The following NGEF variants were observed in gnomAD, a reference collection of about 807,000 sequenced individuals.
NGEF encodes the protein neuronal guanine nucleotide exchange factor.
A neutral mutation model predicts 80.9 loss-of-function variants in NGEF; 31 were observed. That is an observed-to-expected ratio of 0.38 (90% CI 0.29 to 0.52). The LOEUF (loss-of-function observed/expected upper bound fraction) is 0.52. Ranked by LOEUF, NGEF falls within the 20% of genes least tolerant of loss-of-function variation. The pLI is 0.84. For missense variants in NGEF, 709 were observed against 926.2 expected, an observed-to-expected ratio of 0.77 and a Z score of 3.04; for synonymous variants, 371 against 370.2, an observed-to-expected ratio of 1.00 and a Z score of -0.03.
intron 3 of NGEF, among the ~76,000 whole-genome samples, chr2:232,945,004 G>C (rs1014289197): frequency 2.6e-5 from 4 of 151,758 alleles, no homozygotes; most frequent in Admixed American, 2.0e-4. Context: ...TGTCCATCTT[G>C]GCCTCTTAAA....
chr2:233,010,440 C>T (rs933350159), intron 1 of NGEF, among the ~76,000 whole-genome samples: 1 of 152,210 alleles, frequency 6.6e-6, no homozygotes, highest in Non-Finnish European at 1.5e-5. Context: ...CAGTTCTTCT[C>T]CTCCTCCTGG....
At chr2:232,899,073 TTG>T (rs953671774) in intron 5 of NGEF, among the ~76,000 whole-genome samples, 11 of 151,666 alleles carry the variant, frequency 7.3e-5, no homozygotes, top group African/African-American at 1.9e-4. Context: ...TGTAAATGCA[TTG>T]TGTGTGAATG....
At chr2:232,992,979 C>T (rs1694679942) in intron 1 of NGEF, among the ~76,000 whole-genome samples, 1 of 136,416 alleles carries the variant, frequency 7.3e-6, no homozygotes, top group Admixed American at 8.2e-5. Context: ...AGAGCGAGAC[C>T]CTGCCTGAAG....
intron 4 of NGEF, among the ~76,000 whole-genome samples, chr2:232,923,011 A>G (rs1237937902): frequency 1.3e-5 from 2 of 151,960 alleles, no homozygotes; most frequent in African/African-American, 4.8e-5. Flanking sequence ...CGGAGGTTGC[A>G]GTGAGCTGAG....
intron 2 of NGEF, among the ~76,000 whole-genome samples, chr2:232,971,104 C>A (rs999871306): frequency 1.3e-5 from 2 of 152,192 alleles, no homozygotes; most frequent in Non-Finnish European, 2.9e-5. Context: ...CAATGATCTG[C>A]TGTGATTTTG....
chr2:232,907,429 A>G (rs944148392), intron 5 of NGEF, among the ~76,000 whole-genome samples: 1 of 152,208 alleles, frequency 6.6e-6, no homozygotes, highest in African/African-American at 2.4e-5. Context: ...AAAAGATCTG[A>G]TACAGAAGTC....
At chr2:232,964,200 T>C (rs1332352521) in intron 3 of NGEF, among the ~76,000 whole-genome samples, 1 of 152,194 alleles carries the variant, frequency 6.6e-6, no homozygotes, top group Non-Finnish European at 1.5e-5. Flanking sequence ...TAAATTTAAA[T>C]GTACACCTAT....
chr2:232,970,010 A>AT (rs542996191), intron 3 of NGEF: 9 of 312,054 alleles, frequency 2.9e-5, no homozygotes, highest in South Asian at 1.4e-4. Flanking sequence ...GCCCACAAAT[A>AT]TTTTTTTAAA....
At chr2:232,969,228 G>A (rs1694131008) in intron 3 of NGEF, among the ~76,000 whole-genome samples, 1 of 152,002 alleles carries the variant, frequency 6.6e-6, no homozygotes. Context: ...AGAAAAAAAA[G>A]ACTTGAAGCA....
At chr2:233,010,298 C>T (rs1695174996) in intron 1 of NGEF, among the ~76,000 whole-genome samples, 1 of 152,212 alleles carries the variant, frequency 6.6e-6, no homozygotes, top group Non-Finnish European at 1.5e-5. Flanking sequence ...GTCCCTTCAC[C>T]TGGAATGTGC....
intron 3 of NGEF, among the ~76,000 whole-genome samples, chr2:232,937,009 G>T (rs1693339845): frequency 6.6e-6 from 1 of 151,982 alleles, no homozygotes; most frequent in Non-Finnish European, 1.5e-5. Flanking sequence ...CACTCTCATA[G>T]CCCAGGCTGG....
intron 5 of NGEF, among the ~76,000 whole-genome samples, chr2:232,917,451 G>A (rs58450787): frequency 0.05 from 7,544 of 151,038 alleles, 342 homozygotes; most frequent in East Asian, 0.24. Flanking sequence ...GAGGAGTTAC[G>A]TATTTAATTG....
At chr2:232,958,100 A>G (rs939401809) in intron 3 of NGEF, among the ~76,000 whole-genome samples, 2 of 152,184 alleles carry the variant, frequency 1.3e-5, no homozygotes, top group African/African-American at 4.8e-5. Context: ...TTGCAGAACT[A>G]GGAGGCCAGT....
chr2:232,880,716 G>A (rs1040783962), intron 14 of NGEF, among the ~76,000 whole-genome samples: 3 of 152,190 alleles, frequency 2.0e-5, no homozygotes, highest in South Asian at 2.1e-4. Context: ...CGGCTTCTTG[G>A]CCCACATGGG....
intron 3 of NGEF, among the ~76,000 whole-genome samples, chr2:232,929,642 T>C (rs1693179116): frequency 6.6e-6 from 1 of 152,178 alleles, no homozygotes; most frequent in African/African-American, 2.4e-5. Context: ...CTTGACTCAC[T>C]CCCATGGACC....
chr2:232,941,408 GGCT>G (rs908315447), intron 3 of NGEF, among the ~76,000 whole-genome samples: 17 of 152,308 alleles, frequency 1.1e-4, no homozygotes, highest in African/African-American at 3.8e-4. Context: ...TTTGGGAAAG[GGCT>G]GTTACCGTCT....
intron 1 of NGEF, among the ~76,000 whole-genome samples, chr2:232,989,274 C>G (rs1694603268): frequency 6.6e-6 from 1 of 152,080 alleles, no homozygotes; most frequent in African/African-American, 2.4e-5. Flanking sequence ...ATGGTGAAAC[C>G]CTGTCTCTAC....
At chr2:232,920,795 G>A (rs1330595409) in intron 4 of NGEF, among the ~76,000 whole-genome samples, 1 of 152,086 alleles carries the variant, frequency 6.6e-6, no homozygotes, top group African/African-American at 2.4e-5. Context: ...AGACCAGCAT[G>A]CTTATGTTTT....
chr2:233,009,005 C>A (rs557791771), intron 1 of NGEF, among the ~76,000 whole-genome samples: 1 of 152,280 alleles, frequency 6.6e-6, no homozygotes, highest in East Asian at 1.9e-4. Flanking sequence ...CCATGTTGGC[C>A]AGGCTGGTCT....
Sources: allele counts gnomAD v4.1 joint callset (sites outside exome capture counted in the v4.1 genomes callset), GRCh38; gene constraint gnomAD v4.1.1; transcripts MANE v1.5; gene names NCBI Gene and HGNC (gene_info 2026-07-23, HGNC 2026-07-21).